Variants in ETF1 observed in about 807,000 individuals in gnomAD.
ETF1 encodes the protein eukaryotic peptide chain release factor subunit 1.
ETF1 carries 4 observed loss-of-function variants against 55.1 expected under a neutral mutation model. That is an observed-to-expected ratio of 0.07 (90% CI 0.04 to 0.17). The LOEUF is 0.17. ETF1 is among the 10% of genes least tolerant of loss of function. The pLI is 1.00. For missense variants in ETF1, 142 were observed against 523.6 expected (o/e 0.27, Z 7.11); for synonymous variants, 157 against 182.3 (o/e 0.86, Z 1.12).
intron 7 of ETF1, 72 bp downstream of exon 7, chr5:138,511,403 T>TAC (rs71574422): frequency 0.015 from 14,409 of 966,490 alleles, 10 homozygotes; most frequent in Middle Eastern, 0.036. Context: ...CACACACACA[T>TAC]ACACACACAC....
Position 138,542,889 on chromosome 5 carries a change from C to T in ETF1, c.30G>A (p.Arg10=). 3.7e-6 allele frequency: 6 copies of T among 1,613,752 alleles called. No individual in the cohort carries two copies. Among genetic ancestry groups the T allele is most frequent in the Non-Finnish European group, 5.1e-6 (6 of 1,179,928 alleles). Residue 10 remains arginine, a synonymous_variant, in exon 2 of 11, where the codon AGG becomes AGA. Coordinates refer to ENST00000360541, the MANE Select transcript of ETF1 (RefSeq NM_004730.4). The part of the protein sequence containing the change: MADDPSAAD[R]NVEIWKIKKL... ...TCTTGATCTTCCAGATCTCCACGTT[C>T]CTGTCGGCAGCACTGGGGTCGTCCG...
intron 9 of ETF1, among the ~76,000 whole-genome samples, chr5:138,510,357 C>CAAAAAAAAAAAAAAAAAAAAAAAAAA (rs57906231): frequency 1.5e-5 from 1 of 64,782 alleles, no homozygotes; most frequent in African/African-American, 6.0e-5. Context: ...GACCTTGTCT[C>CAAAAAAAAAAAAAAAAAAAAAAAAAA]AAAAAAAAAA....
At position 138,517,232 on chromosome 5, in the gene ETF1, G is replaced by T. The variant is rs943775081; in HGVS notation, c.402+329C>A. On this transcript the variant is annotated intron_variant, in intron 4 of 10. Transcript: ENST00000360541. ...AAAAATACAAAAAAATTAGCTGGGT[G>T]TGGTGGCATGTGCCTGCAATCCCAG... Among the ~76,000 whole-genome samples, 8 of 152,008 alleles carry T rather than the reference G, an allele frequency of 5.3e-5. No individual in the cohort carries two copies. The South Asian group carries it at 6.2e-4, about 12-fold the overall frequency.
intron 2 of ETF1, chr5:138,529,587 C>G (rs1466224917): frequency 3.3e-5 from 33 of 985,346 alleles, no homozygotes; most frequent in Non-Finnish European, 3.9e-5. Context: ...CCAGGGGCCT[C>G]TGCACTCAGA....
At chr5:138,542,520 T>TCGGGTGGCAGCACCA in intron 2 of ETF1, 1 of 855,866 alleles carries the variant, frequency 1.2e-6, no homozygotes, top group Non-Finnish European at 1.6e-6. Flanking sequence ...TGGCAGCACC[T>TCGGGTGGCAGCACCA]GGAGCCCGAA....
intron 3 of ETF1, among the ~76,000 whole-genome samples, chr5:138,518,409 C>A (rs1381515667): frequency 6.6e-6 from 1 of 151,978 alleles, no homozygotes; most frequent in African/African-American, 2.4e-5. Flanking sequence ...CAGGGTTTCA[C>A]ACCATGTTGT....
At chr5:138,510,752 T>A in intron 8 of ETF1, 123 bp from the exon 9 acceptor site, 3 of 1,355,074 alleles carry the variant, frequency 2.2e-6, no homozygotes, top group South Asian at 2.8e-5. Flanking sequence ...ATTTTTTCCA[T>A]AAACATGTTA....
At chr5:138,513,915 A>G (rs1764913304) in intron 4 of ETF1, 2 of 870,640 alleles carry the variant, frequency 2.3e-6, no homozygotes, top group Non-Finnish European at 2.8e-6. Flanking sequence ...ATAACGAATG[A>G]TATCTATGTG....
At chr5:138,522,699 C>T (rs1349729009) in intron 2 of ETF1, among the ~76,000 whole-genome samples, 2 of 152,212 alleles carry the variant, frequency 1.3e-5, no homozygotes, top group East Asian at 3.9e-4. Flanking sequence ...AAATAAATGA[C>T]ATATTGCATT....
At chr5:138,512,263 T>TATATATATATATATA (rs61389535) in intron 6 of ETF1, among the ~76,000 whole-genome samples, 10 of 17,910 alleles carry the variant, frequency 5.6e-4, no homozygotes, top group African/African-American at 1.8e-3. Context: ...TATATATTTT[T>TATATATATATATATA]TTTTTTTTTT....
intron 2 of ETF1, among the ~76,000 whole-genome samples, chr5:138,528,153 T>C (rs1282136853): frequency 6.6e-6 from 1 of 152,134 alleles, no homozygotes; most frequent in Non-Finnish European, 1.5e-5. Context: ...TAAGATGCAG[T>C]CGGCAGGGAA....
chr5:138,525,838 T>A (rs139524187), intron 2 of ETF1, among the ~76,000 whole-genome samples: 6 of 151,550 alleles, frequency 4.0e-5, no homozygotes, highest in African/African-American at 1.5e-4. Flanking sequence ...CCCAGCTACT[T>A]TGAAGGCTGA....
rs150140968 is a variant in ETF1 at position 138,523,361 on chromosome 5, C to T, written c.87-4494G>A. On this transcript the variant is annotated intron_variant, in intron 2 of 10. Transcript: ENST00000360541. ...CAGCCTGGATGACAGAGCTAGACTC[C>T]GTCTCAAGGAAAAAACAAAAAAATT... is the stretch of plus-strand genomic sequence containing the variant. Among the ~76,000 whole-genome samples, 46 of 151,934 alleles carry T rather than the reference C, an allele frequency of 3.0e-4. No individual in the cohort carries two copies. The East Asian group carries it at 8.3e-3, about 28-fold the overall frequency.
At position 138,511,466 on chromosome 5, in the gene ETF1, C is replaced by A; in HGVS notation, c.862+9G>T. On this transcript the variant is annotated intron_variant, in intron 7 of 10. Transcript: ENST00000360541. ...TTTCACAGAATAAGTAGTTGCATTT[C>A]ACCGATACCTATTAATTTCTTCTCT... The A allele has an allele frequency of 6.2e-7, 1 of 1,613,126 alleles. No homozygotes were observed. The highest frequency in any genetic ancestry group is 8.5e-7 in the Non-Finnish European group (1 of 1,179,648).
At chr5:138,532,607 G>T (rs1479752780) in intron 2 of ETF1, among the ~76,000 whole-genome samples, 2 of 152,206 alleles carry the variant, frequency 1.3e-5, no homozygotes, top group African/African-American at 4.8e-5. Flanking sequence ...AGATGGGGTT[G>T]AAGTCTTATT....
At chr5:138,534,614 C>T (rs138339304) in intron 2 of ETF1, among the ~76,000 whole-genome samples, 71 of 152,330 alleles carry the variant, frequency 4.7e-4, no homozygotes, top group African/African-American at 1.7e-3. Flanking sequence ...AATCTTTGCA[C>T]CTGAGTCTCA....
At chr5:138,529,269 T>C (rs1349962113) in intron 2 of ETF1, among the ~76,000 whole-genome samples, 2 of 152,204 alleles carry the variant, frequency 1.3e-5, no homozygotes, top group African/African-American at 4.8e-5. Flanking sequence ...TCAATCAAAG[T>C]TGTTAGACCA....
At chr5:138,525,301 G>A (rs1765421217) in intron 2 of ETF1, among the ~76,000 whole-genome samples, 1 of 151,984 alleles carries the variant, frequency 6.6e-6, no homozygotes, top group East Asian at 1.9e-4. Context: ...GGGAGTACAG[G>A]CGTGCGCCAC....
chr5:138,527,778 CT>C (rs111540636), intron 2 of ETF1, among the ~76,000 whole-genome samples: 77 of 145,346 alleles, frequency 5.3e-4, no homozygotes, highest in Admixed American at 6.4e-4. Context: ...TCTTTCTTTT[CT>C]TTTTTTTTTT....
Sources: allele counts gnomAD v4.1 joint callset (sites outside exome capture counted in the v4.1 genomes callset), GRCh38; gene constraint gnomAD v4.1.1; transcripts MANE v1.5; gene names NCBI Gene and HGNC (gene_info 2026-07-23, HGNC 2026-07-21).